The following HMGA2 variants were observed in gnomAD, a reference collection of about 807,000 sequenced individuals.
HMGA2 encodes high mobility group protein HMGI-C.
In HMGA2, 8 loss-of-function variants were observed where a neutral mutation model predicts 19.1. That is an observed-to-expected ratio of 0.42 (90% CI 0.25 to 0.76). HMGA2 has a LOEUF of 0.76. HMGA2 is among the 30% of genes least tolerant of loss of function. HMGA2 has a pLI of 0.28. For missense variants in HMGA2, 109 were observed against 136.3 expected (o/e 0.80, Z 1.00); for synonymous variants, 60 against 48.8 (o/e 1.23, Z -0.96).
At chr12:65,866,554 C>T (rs183598604) in intron 3 of HMGA2, among the ~76,000 whole-genome samples, 19 of 152,110 alleles carry the variant, frequency 1.2e-4, no homozygotes, top group East Asian at 5.8e-4. Flanking sequence ...TGTGACAAGG[C>T]GGAACATCCA....
At chr12:65,960,375 A>G (rs540443839) in intron 4 of HMGA2, among the ~76,000 whole-genome samples, 12 of 152,300 alleles carry the variant, frequency 7.9e-5, no homozygotes, top group African/African-American at 2.9e-4. Context: ...CATGACACTT[A>G]GGAGAGCTGA....
chr12:65,945,063 C>T (rs745454731), intron 3 of HMGA2, among the ~76,000 whole-genome samples: 2 of 151,750 alleles, frequency 1.3e-5, no homozygotes, highest in Non-Finnish European at 2.9e-5. Context: ...ACTTAACCTC[C>T]CCTGGAGCTC....
At chr12:65,923,902 CG>C (rs1592448375) in intron 3 of HMGA2, among the ~76,000 whole-genome samples, 1 of 152,014 alleles carries the variant, frequency 6.6e-6, no homozygotes, top group African/African-American at 2.4e-5. Context: ...CCCAGCTACT[CG>C]GGGGCTGAGG....
intron 2 of HMGA2, chr12:65,828,851 G>T (rs984199121): frequency 6.6e-6 from 1 of 152,178 alleles, no homozygotes; most frequent in Non-Finnish European, 1.5e-5. Context: ...GTTTAAACTT[G>T]CAGTTTAAGA....
At chr12:65,927,701 G>A (rs995902335) in intron 3 of HMGA2, among the ~76,000 whole-genome samples, 20 of 151,746 alleles carry the variant, frequency 1.3e-4, no homozygotes, top group African/African-American at 3.6e-4. Flanking sequence ...TTGTATTTTC[G>A]GCTATCCAAA....
intron 2 of HMGA2, among the ~76,000 whole-genome samples, chr12:65,831,662 A>T (rs1870484393): frequency 6.6e-6 from 1 of 151,900 alleles, no homozygotes; most frequent in South Asian, 2.1e-4. Flanking sequence ...AGAAGGCCTG[A>T]ATTAATTAGA....
chr12:65,878,208 GCAA>G (rs1873156944), intron 3 of HMGA2, among the ~76,000 whole-genome samples: 1 of 152,184 alleles, frequency 6.6e-6, no homozygotes. Context: ...ATGGTTCTCT[GCAA>G]CAACGTTTCT....
intron 3 of HMGA2, among the ~76,000 whole-genome samples, chr12:65,871,753 G>A (rs1209547629): frequency 6.6e-6 from 1 of 152,110 alleles, no homozygotes; most frequent in African/African-American, 2.4e-5. Context: ...TGTCACATGG[G>A]CTTCTTAAGA....
chr12:65,834,877 AT>A, intron 2 of HMGA2, among the ~76,000 whole-genome samples: 1 of 152,356 alleles, frequency 6.6e-6, no homozygotes, highest in Admixed American at 6.5e-5. Flanking sequence ...TAAATATATC[AT>A]AAAATTAAGT....
chr12:65,837,173 T>A (rs1870768821), intron 2 of HMGA2, among the ~76,000 whole-genome samples: 1 of 152,224 alleles, frequency 6.6e-6, no homozygotes, highest in African/African-American at 2.4e-5. Context: ...ATATTTTAAA[T>A]GCTCAATATT....
At chr12:65,842,491 T>C in intron 3 of HMGA2, 1 of 914,018 alleles carries the variant, frequency 1.1e-6, no homozygotes, top group Non-Finnish European at 1.7e-6. Context: ...CCCTTGACAG[T>C]ATCATTATGT....
intron 3 of HMGA2, among the ~76,000 whole-genome samples, chr12:65,916,832 A>G (rs1242688247): frequency 6.6e-6 from 1 of 152,210 alleles, no homozygotes; most frequent in Admixed American, 6.5e-5. Context: ...AAAGCGGACA[A>G]TAAATAGAAA....
chr12:65,914,697 G>A (rs912981245), intron 3 of HMGA2: 2 of 285,708 alleles, frequency 7.0e-6, no homozygotes, highest in South Asian at 8.5e-5. Context: ...TTTTTGAGAC[G>A]GAGTCTTGTT....
intron 3 of HMGA2, among the ~76,000 whole-genome samples, chr12:65,912,428 T>G (rs1874885463): frequency 6.6e-6 from 1 of 152,148 alleles, no homozygotes; most frequent in Admixed American, 6.5e-5. Context: ...ATGGTGGGCC[T>G]CAGCAAAATA....
chr12:65,854,006 T>A (rs1871604255), intron 3 of HMGA2, among the ~76,000 whole-genome samples: 1 of 152,206 alleles, frequency 6.6e-6, no homozygotes. Context: ...CTTACAGGAT[T>A]AATGAGTTTT....
chr12:65,940,414 T>C (rs749353670), intron 3 of HMGA2, among the ~76,000 whole-genome samples: 1 of 152,188 alleles, frequency 6.6e-6, no homozygotes, highest in Non-Finnish European at 1.5e-5. Flanking sequence ...TGCTGATTTG[T>C]CCTTTAAATA....
intron 2 of HMGA2, among the ~76,000 whole-genome samples, chr12:65,837,445 A>G (rs1870782209): frequency 6.6e-6 from 1 of 152,178 alleles, no homozygotes; most frequent in Non-Finnish European, 1.5e-5. Flanking sequence ...TGTACCAAGT[A>G]CCCCCACCGG....
At chr12:65,850,953 A>T (rs188725867) in intron 3 of HMGA2, among the ~76,000 whole-genome samples, 94 of 152,302 alleles carry the variant, frequency 6.2e-4, no homozygotes, top group African/African-American at 2.1e-3. Context: ...TACGGTTCTT[A>T]GTCCATTTCC....
intron 3 of HMGA2, among the ~76,000 whole-genome samples, chr12:65,893,762 T>C (rs1874015604): frequency 6.6e-6 from 1 of 152,088 alleles, no homozygotes; most frequent in Non-Finnish European, 1.5e-5. Context: ...GAGATAAGGA[T>C]GGAAAGGGAA....
Sources: gnomAD v4.1 joint callset for allele counts (sites outside exome capture counted in the v4.1 genomes callset) on GRCh38, gnomAD v4.1.1 for gene constraint, MANE v1.5 for transcripts, NCBI Gene and HGNC (gene_info 2026-07-23, HGNC 2026-07-21) for gene names.